ANO3: variants seen among roughly 807,000 people sequenced by gnomAD.
ANO3 encodes the protein anoctamin-3.
A neutral mutation model predicts 144.8 loss-of-function variants in ANO3; 99 were observed. That is an observed-to-expected ratio of 0.68 (90% confidence interval 0.58 to 0.81). The LOEUF is 0.81. ANO3 is among the 30% of genes least tolerant of loss of function. ANO3 has a pLI of 0.00. For synonymous variants in ANO3, 414 were observed against 392.6 expected, an observed-to-expected ratio of 1.05 and a Z score of -0.64; for missense variants, 905 against 1,202.2, an observed-to-expected ratio of 0.75 and a Z score of 3.66.
chr11:26,442,276 G>A (rs912951601), intron 2 of ANO3, among the ~76,000 whole-genome samples, 164 bp downstream of exon 2: 2 of 152,198 alleles, frequency 1.3e-5, no homozygotes, highest in Non-Finnish European at 2.9e-5. Flanking sequence ...GGCCAGATGT[G>A]TTTTATCTCT....
chr11:26,218,359 A>AT (rs760277551), intron 1 of ANO3, among the ~76,000 whole-genome samples: 3 of 151,978 alleles, frequency 2.0e-5, no homozygotes, highest in East Asian at 1.9e-4. Flanking sequence ...TATTTCTCTA[A>AT]TTTTTTTATT....
chr11:26,634,183 T>C (rs150006433), intron 18 of ANO3, 21 bp from the exon 19 acceptor site: 1 of 1,554,668 alleles, frequency 6.4e-7, no homozygotes, highest in Admixed American at 1.7e-5. Flanking sequence ...CCTGTGTCAA[T>C]GCAACCTGTG....
intron 4 of ANO3, among the ~76,000 whole-genome samples, chr11:26,505,424 G>C (rs1277734531): frequency 6.6e-6 from 1 of 152,148 alleles, no homozygotes; most frequent in Non-Finnish European, 1.5e-5. Flanking sequence ...ACAAGCCTGT[G>C]AATATTTATT....
chr11:26,515,957 T>C (rs1237583900), intron 5 of ANO3, among the ~76,000 whole-genome samples: 1 of 151,988 alleles, frequency 6.6e-6, no homozygotes, highest in Non-Finnish European at 1.5e-5. Flanking sequence ...GTTGGCTTTC[T>C]TTCAAAGCAG....
At chr11:26,297,518 T>A (rs928611345) in intron 1 of ANO3, among the ~76,000 whole-genome samples, 1 of 152,206 alleles carries the variant, frequency 6.6e-6, no homozygotes, top group East Asian at 1.9e-4. Context: ...TTCAGACAGA[T>A]TTACTGGTGC....
At chr11:26,423,170 G>T (rs112037778) in intron 1 of ANO3, among the ~76,000 whole-genome samples, 9 of 151,882 alleles carry the variant, frequency 5.9e-5, no homozygotes, top group African/African-American at 1.4e-4. Flanking sequence ...TTAAACCCAA[G>T]AACTACAAAT....
At chr11:26,409,042 G>A (rs1857366428) in intron 1 of ANO3, among the ~76,000 whole-genome samples, 2 of 151,584 alleles carry the variant, frequency 1.3e-5, no homozygotes, top group Non-Finnish European at 2.9e-5. Flanking sequence ...GAGTTAATGG[G>A]TGCAGCACAC....
intron 1 of ANO3, among the ~76,000 whole-genome samples, chr11:26,326,143 T>G (rs143366192): frequency 6.6e-6 from 1 of 152,302 alleles, no homozygotes; most frequent in African/African-American, 2.4e-5. Context: ...AACATAGTTA[T>G]CATTTTTCCC....
chr11:26,414,736 A>G (rs1857527164), intron 1 of ANO3, among the ~76,000 whole-genome samples: 1 of 149,150 alleles, frequency 6.7e-6, no homozygotes, highest in South Asian at 2.2e-4. Context: ...CTGCACATGT[A>G]TACAGGAACT....
intron 1 of ANO3, among the ~76,000 whole-genome samples, chr11:26,202,329 A>ATATATATAATATAGATTATTATATATAT (rs1851713303): frequency 6.9e-6 from 1 of 145,878 alleles, no homozygotes; most frequent in Non-Finnish European, 1.5e-5. Flanking sequence ...GATACATATG[A>ATATATATAATATAGATTATTATATATAT]TATATATAAT....
chr11:26,655,164 C>T (rs981993806), intron 24 of ANO3, among the ~76,000 whole-genome samples: 7 of 152,224 alleles, frequency 4.6e-5, no homozygotes, highest in Admixed American at 1.3e-4. Context: ...TCCAGGCTGC[C>T]CAAGAACTTA....
At chr11:26,209,794 T>A (rs541325980) in intron 1 of ANO3, among the ~76,000 whole-genome samples, 63 of 151,916 alleles carry the variant, frequency 4.1e-4, no homozygotes, top group African/African-American at 1.4e-3. Context: ...CTTCTTTTGA[T>A]AAGTGTCTGT....
At chr11:26,318,790 A>G (rs1023973179) in intron 1 of ANO3, among the ~76,000 whole-genome samples, 1 of 152,154 alleles carries the variant, frequency 6.6e-6, no homozygotes, top group Non-Finnish European at 1.5e-5. Context: ...ATATATTTTG[A>G]CCCAAGTTGA....
upstream of ANO3, among the ~76,000 whole-genome samples, chr11:26,307,373 G>T (rs1227856491): frequency 1.3e-5 from 2 of 148,438 alleles, no homozygotes; most frequent in Non-Finnish European, 1.5e-5. Context: ...TAAGTAAAGG[G>T]TCTCTTTTTT....
chr11:26,349,177 T>C (rs1261412669), intron 1 of ANO3, among the ~76,000 whole-genome samples: 1 of 152,238 alleles, frequency 6.6e-6, no homozygotes, highest in African/African-American at 2.4e-5. Flanking sequence ...AAATAATTTC[T>C]TTTAATTTGT....
At chr11:26,651,916 C>T (rs1450878716) in intron 24 of ANO3, among the ~76,000 whole-genome samples, 2 of 152,318 alleles carry the variant, frequency 1.3e-5, no homozygotes, top group South Asian at 2.1e-4. Flanking sequence ...TTTGAACTCA[C>T]CTGGATCTCT....
chr11:26,267,105 A>AAG (rs1554931363), intron 1 of ANO3, among the ~76,000 whole-genome samples: 1 of 151,380 alleles, frequency 6.6e-6, no homozygotes, highest in Non-Finnish European at 1.5e-5. Flanking sequence ...AACAAAAAAA[A>AAG]AAAAGAAAAG....
chr11:26,625,555 C>T (rs1037597737), intron 18 of ANO3, among the ~76,000 whole-genome samples: 12 of 152,080 alleles, frequency 7.9e-5, no homozygotes, highest in African/African-American at 2.4e-4. Flanking sequence ...ATTGTGTATA[C>T]TTTTTATACC....
intron 17 of ANO3, among the ~76,000 whole-genome samples, chr11:26,608,405 T>C (rs753228109): frequency 2.0e-5 from 3 of 152,044 alleles, no homozygotes; most frequent in Non-Finnish European, 4.4e-5. Context: ...TGCTGGAGGG[T>C]CTCACTCAGT....
Sources: gnomAD v4.1 joint callset for allele counts (sites outside exome capture counted in the v4.1 genomes callset) on GRCh38, gnomAD v4.1.1 for gene constraint, MANE v1.5 for transcripts, NCBI Gene and HGNC (gene_info 2026-07-23, HGNC 2026-07-21) for gene names.